The following AGBL1 variants were observed in gnomAD, a reference collection of about 807,000 sequenced individuals.
AGBL1 encodes the protein cytosolic carboxypeptidase 4.
Under a neutral mutation model 118.9 loss-of-function variants are expected in AGBL1, and 130 were observed. The observed-to-expected ratio is 1.09, with a 90% CI of 0.95 to 1.26. The LOEUF is 1.26. AGBL1 is among the 50% of genes most tolerant of loss of function. The probability of loss-of-function intolerance (pLI) is 0.00; values close to 1 mark genes in which losing one functional copy is unlikely to be tolerated. For synonymous variants in AGBL1, 555 were observed against 478.9 expected (o/e 1.16, Z -2.08); for missense variants, 1,584 against 1,298.1 (o/e 1.22, Z -3.38).
chr15:86,759,981 G>A (rs763017570), intron 22 of AGBL1, among the ~76,000 whole-genome samples: 4 of 152,062 alleles, frequency 2.6e-5, no homozygotes, highest in Non-Finnish European at 5.9e-5. Context: ...TGAAACAGCA[G>A]CAGCAGGCTT....
chr15:86,410,542 C>T (rs1322615037), intron 18 of AGBL1, among the ~76,000 whole-genome samples: 1 of 151,640 alleles, frequency 6.6e-6, no homozygotes, highest in Admixed American at 6.6e-5. Context: ...AACCACTGCA[C>T]CTCACTTGAT....
At position 86,228,526 on chromosome 15, in the gene AGBL1, C is replaced by G. The variant is rs139724087; in HGVS notation, c.526+3575C>G. ...GAGGGGGCAGTCAGTGGTCCTGTGA[C>G]AGTAAACACTAGGGTGGGTTGGAAA... On this transcript the variant is annotated intron_variant, in intron 6 of 22. Coordinates refer to ENST00000614907, the MANE Select transcript of AGBL1 (RefSeq NM_001386094.1). Among the ~76,000 whole-genome samples, 339 of 152,260 alleles carry G rather than the reference C, an allele frequency of 2.2e-3. 1 individual carries two copies. Among genetic ancestry groups the G allele is most frequent in the African/African-American group, 7.9e-3 (330 of 41,548 alleles).
intron 1 of AGBL1, among the ~76,000 whole-genome samples, chr15:86,141,773 T>G (rs565593390): frequency 6.6e-6 from 1 of 152,370 alleles, no homozygotes; most frequent in East Asian, 1.9e-4. Context: ...TTTGTTCATC[T>G]TGCTGATGTT....
At chr15:86,421,041 A>C (rs1355825281) in intron 18 of AGBL1, among the ~76,000 whole-genome samples, 1 of 152,208 alleles carries the variant, frequency 6.6e-6, no homozygotes, top group Non-Finnish European at 1.5e-5. Context: ...ACTCTTCAGG[A>C]TATTATCCGG....
intron 21 of AGBL1, among the ~76,000 whole-genome samples, chr15:86,591,088 C>A (rs1026275878): frequency 1.3e-5 from 2 of 152,204 alleles, no homozygotes; most frequent in Admixed American, 1.3e-4. Flanking sequence ...AATACTTACT[C>A]ATGATTTATC....
chr15:86,096,959 T>G (rs1483923637), intron 1 of AGBL1, among the ~76,000 whole-genome samples: 10 of 152,160 alleles, frequency 6.6e-5, no homozygotes, highest in African/African-American at 2.4e-4. Context: ...CATTTAGGCA[T>G]TAATAGGAGG....
rs112234849 is a variant in AGBL1, at chr15:86,822,725, A to G, written c.3159-84362A>G. On this transcript the variant is annotated intron_variant, in intron 22 of 22. Coordinates refer to ENST00000614907, the MANE Select transcript of AGBL1 (RefSeq NM_001386094.1). ...TAAACATCTAACAGGGACTTACAAC[A>G]GAAGCCATGTCTGTGTCTTGGGTGG... Among the ~76,000 whole-genome samples, 68 of 152,288 alleles carry G rather than the reference A, an allele frequency of 4.5e-4. 1 individual carries two copies. Among genetic ancestry groups the G allele is most frequent in the African/African-American group, 1.6e-3 (66 of 41,566 alleles).
chr15:86,210,830 G>A (rs2078082493), intron 5 of AGBL1, among the ~76,000 whole-genome samples: 1 of 152,182 alleles, frequency 6.6e-6, no homozygotes, highest in East Asian at 1.9e-4. Flanking sequence ...GCTCGTCAGT[G>A]TCATTCTCCG....
chr15:86,598,082 G>T (rs1293657553), intron 21 of AGBL1, among the ~76,000 whole-genome samples: 1 of 151,970 alleles, frequency 6.6e-6, no homozygotes, highest in Non-Finnish European at 1.5e-5. Context: ...TTTGGTCCTT[G>T]GTTTTGTCAT....
At chr15:86,334,842 T>C (rs4887219) in intron 17 of AGBL1, among the ~76,000 whole-genome samples, 104,846 of 151,950 alleles carry the variant, frequency 0.69, 37,250 homozygotes, top group Non-Finnish European at 0.78. Flanking sequence ...AACAGAAAGC[T>C]CAGAAATAAT....
chr15:86,895,064 C>CT, intron 22 of AGBL1, among the ~76,000 whole-genome samples: 1 of 150,918 alleles, frequency 6.6e-6, no homozygotes, highest in South Asian at 2.1e-4. Flanking sequence ...TTTCTTTTAT[C>CT]TTCCCTCCTT....
intron 5 of AGBL1, chr15:86,173,347 C>T (rs746958224): frequency 5.3e-5 from 8 of 151,866 alleles, no homozygotes; most frequent in Non-Finnish European, 8.8e-5. Context: ...GTTATTAGTC[C>T]CCCGCCAGAG....
chr15:86,776,378 G>A (rs1444672760), intron 22 of AGBL1, among the ~76,000 whole-genome samples: 1 of 152,060 alleles, frequency 6.6e-6, no homozygotes, highest in South Asian at 2.1e-4. Flanking sequence ...TCTCATGGTT[G>A]CTTTTACCTT....
In AGBL1 at chr15:86,179,434, T is replaced by C. The variant is rs150473776; in HGVS notation, c.488+20408T>C. On this transcript the variant is annotated intron_variant, in intron 5 of 22. Coordinates refer to ENST00000614907, the MANE Select transcript of AGBL1 (RefSeq NM_001386094.1). ...TGTAGAAATCATTATATATGATTGA[T>C]TATATAAAAAATTAAGAAAACCCGA... 6.0e-3 allele frequency among the ~76,000 whole-genome samples: 914 copies of C among 152,256 alleles called. 2 individuals are homozygous for C. Among genetic ancestry groups the C allele is most frequent in the African/African-American group, 0.015 (624 of 41,550 alleles).
intron 22 of AGBL1, among the ~76,000 whole-genome samples, chr15:86,850,702 C>T (rs1247815592): frequency 6.6e-6 from 1 of 151,988 alleles, no homozygotes; most frequent in East Asian, 1.9e-4. Flanking sequence ...ATAAGAATAC[C>T]TGTATGATAT....
At chr15:86,636,228 A>G (rs1056436673) in intron 21 of AGBL1, among the ~76,000 whole-genome samples, 3 of 152,112 alleles carry the variant, frequency 2.0e-5, no homozygotes, top group African/African-American at 4.8e-5. Context: ...TTATAACAGT[A>G]GGGCCCTGGA....
intron 22 of AGBL1, among the ~76,000 whole-genome samples, chr15:86,699,161 T>A (rs573683418): frequency 1.6e-4 from 24 of 151,962 alleles, no homozygotes; most frequent in Admixed American, 1.5e-3. Flanking sequence ...CACAAAAATT[T>A]CAAAAAAATT....
At chr15:86,523,210 T>C (rs1596221963) in intron 19 of AGBL1, among the ~76,000 whole-genome samples, 1 of 152,214 alleles carries the variant, frequency 6.6e-6, no homozygotes, top group East Asian at 1.9e-4. Context: ...CCCACTCTGA[T>C]GGCTCTAAGG....
rs758667506 is a variant in AGBL1, at chr15:86,988,069, C to G, written c.3304C>G (p.Leu1102Val). Reference sequence around the variant, plus strand: ...CATTACAAACTTTTTCAAGATGAACCTTCTTCTGCATGTCTCCCCGTGAGT... The same window carrying G: ...CATTACAAACTTTTTCAAGATGAACGTTCTTCTGCATGTCTCCCCGTGAGT... The change falls in exon 24 of 25, where the codon CTT (leucine) becomes GTT (valine). Residue 1102 changes from leucine (L) to valine (V), a missense_variant. Coordinates refer to the AGBL1 transcript ENST00000441037. 3 of 1,613,456 alleles carry G rather than the reference C, an allele frequency of 1.9e-6. No homozygotes were observed. In the Admixed American group the frequency reaches 5.0e-5, roughly 27 times the overall value.
Sources: gnomAD v4.1 joint callset for allele counts (sites outside exome capture counted in the v4.1 genomes callset) on GRCh38, gnomAD v4.1.1 for gene constraint, MANE v1.5 for transcripts, NCBI Gene and HGNC (gene_info 2026-07-23, HGNC 2026-07-21) for gene names.